The following TMEM233 variants were observed in gnomAD, a reference collection of about 807,000 sequenced individuals.
TMEM233 encodes transmembrane protein 233.
TMEM233 carries 6 observed loss-of-function variants against 11.2 expected under a neutral mutation model. The ratio of observed to expected loss-of-function variants is 0.54; its 90% CI spans 0.29 to 1.06. TMEM233 has a LOEUF of 1.06. TMEM233 is among the 50% of genes least tolerant of loss of function. TMEM233 has a pLI of 0.08. For synonymous variants in TMEM233, 59 were observed against 55.8 expected (o/e 1.06, Z -0.26); for missense variants, 127 against 144.7 (o/e 0.88, Z 0.63).
chr12:119,610,234 T>A (rs1410495026), intron 1 of TMEM233, among the ~76,000 whole-genome samples: 2 of 152,240 alleles, frequency 1.3e-5, no homozygotes, highest in African/African-American at 4.8e-5. Flanking sequence ...AATGGGTGTA[T>A]TTACCCAATG....
chr12:119,600,581 A>G (rs1954143069), intron 1 of TMEM233, among the ~76,000 whole-genome samples: 1 of 152,246 alleles, frequency 6.6e-6, no homozygotes, highest in African/African-American at 2.4e-5. Context: ...TGTGTTATAT[A>G]CATGAAATTG....
chr12:119,613,828 G>A (rs1215694105), intron 1 of TMEM233, among the ~76,000 whole-genome samples: 2 of 152,068 alleles, frequency 1.3e-5, no homozygotes, highest in Admixed American at 6.5e-5. Flanking sequence ...AAGAGATGAG[G>A]AGGCCTGAGA....
At chr12:119,644,137 T>C (rs976980057), downstream of TMEM233, among the ~76,000 whole-genome samples, 2 of 152,222 alleles carry the variant, frequency 1.3e-5, no homozygotes, top group East Asian at 1.9e-4. Context: ...TCAAAATGGA[T>C]ACCAGTCATT....
chr12:119,605,409 CTTTT>C (rs6144897), intron 1 of TMEM233, among the ~76,000 whole-genome samples: 9 of 93,642 alleles, frequency 9.6e-5, no homozygotes, highest in African/African-American at 3.4e-4. Context: ...TATGCCTTTC[CTTTT>C]TTTTTTTTTT....
At chr12:119,625,086 G>A (rs955178164) in intron 1 of TMEM233, among the ~76,000 whole-genome samples, 1 of 152,150 alleles carries the variant, frequency 6.6e-6, no homozygotes, top group African/African-American at 2.4e-5. Context: ...CACACAAGAG[G>A]CCTAAAAGCA....
chr12:119,633,157 C>T (rs1256892735), intron 2 of TMEM233, among the ~76,000 whole-genome samples: 1 of 152,184 alleles, frequency 6.6e-6, no homozygotes, highest in Non-Finnish European at 1.5e-5. Flanking sequence ...GATCCTACTT[C>T]TACCACACAG....
intron 2 of TMEM233, among the ~76,000 whole-genome samples, chr12:119,639,122 G>A (rs971386194): frequency 2.0e-5 from 3 of 152,052 alleles, no homozygotes; most frequent in African/African-American, 7.2e-5. Flanking sequence ...AAGCCAAACA[G>A]CTGGTTCCCA....
chr12:119,639,311 A>T (rs1955032886), intron 2 of TMEM233, among the ~76,000 whole-genome samples: 1 of 152,026 alleles, frequency 6.6e-6, no homozygotes, highest in Non-Finnish European at 1.5e-5. Flanking sequence ...ATAATAGAGC[A>T]TGGCCCTTAA....
chr12:119,653,799 G>A, the TMEM233 span, among the ~76,000 whole-genome samples: 2 of 151,914 alleles, frequency 1.3e-5, no homozygotes, highest in Non-Finnish European at 2.9e-5. Flanking sequence ...AAAAAAATAA[G>A]CAGAGCTTCA....
intron 1 of TMEM233, among the ~76,000 whole-genome samples, chr12:119,618,954 C>T (rs1298531308): frequency 6.8e-6 from 1 of 147,204 alleles, no homozygotes; most frequent in African/African-American, 2.7e-5. Context: ...TTGGCAGTGT[C>T]CTCACCCAAA....
intron 1 of TMEM233, among the ~76,000 whole-genome samples, chr12:119,626,598 A>AG (rs751914805): frequency 8.3e-5 from 12 of 144,028 alleles, no homozygotes; most frequent in South Asian, 6.7e-4. Context: ...AGAGAAGAGA[A>AG]AAAAGAAAAG....
At position 119,604,706 on chromosome 12, in the gene TMEM233, G is replaced by T. The variant is rs138824408; in HGVS notation, c.186+10672G>T. Among the ~76,000 whole-genome samples, 21 of 152,182 alleles carry T rather than the reference G, an allele frequency of 1.4e-4. No homozygotes were observed. In the East Asian group the frequency reaches 3.9e-3, roughly 28 times the overall value. ...ACTGGAGTGCAATGGTGCAATCATG[G>T]CTCACTCCAGCCTCAATCTCTGGCT... On this transcript the variant is annotated intron_variant, in intron 1 of 2. Coordinates refer to ENST00000426426, the MANE Select transcript of TMEM233 (RefSeq NM_001136534.3).
At chr12:119,616,188 C>T (rs1270492147) in intron 1 of TMEM233, among the ~76,000 whole-genome samples, 3 of 152,194 alleles carry the variant, frequency 2.0e-5, no homozygotes, top group African/African-American at 7.2e-5. Context: ...ACTGTTATTC[C>T]GTTTTGCCAA....
chr12:119,614,379 G>A (rs1352975992), intron 1 of TMEM233, among the ~76,000 whole-genome samples: 1 of 151,382 alleles, frequency 6.6e-6, no homozygotes, highest in Non-Finnish European at 1.5e-5. Flanking sequence ...TGCACTCCAG[G>A]CTGGGTGAGA....
Position 119,622,109 on chromosome 12 carries a change from G to T in TMEM233, c.187-7627G>T, listed in dbSNP as rs1954655471. 3.3e-5 allele frequency among the ~76,000 whole-genome samples: 5 copies of T among 152,204 alleles called. No individual in the cohort carries two copies. The South Asian group carries it at 1.0e-3, about 31-fold the overall frequency. Reference sequence around the variant, plus strand: ...GATCAGGACTAGACAGACTGACTCTGTTATTCTTGGTTTACCTCAGGGTGA... The same window carrying T: ...GATCAGGACTAGACAGACTGACTCTTTTATTCTTGGTTTACCTCAGGGTGA... On this transcript the variant is annotated intron_variant, in intron 1 of 2. Transcript: ENST00000426426.
At chr12:119,612,025 G>T (rs991507713) in intron 1 of TMEM233, among the ~76,000 whole-genome samples, 1 of 149,958 alleles carries the variant, frequency 6.7e-6, no homozygotes, top group Non-Finnish European at 1.5e-5. Context: ...ACAGAGTCTC[G>T]CTCTGTCACC....
At chr12:119,605,917 A>T (rs1385107484) in intron 1 of TMEM233, among the ~76,000 whole-genome samples, 1 of 152,154 alleles carries the variant, frequency 6.6e-6, no homozygotes, top group Non-Finnish European at 1.5e-5. Flanking sequence ...GAAAATATTT[A>T]TGGAGAGAAA....
At chr12:119,626,822 T>C in intron 1 of TMEM233, among the ~76,000 whole-genome samples, 1 of 152,178 alleles carries the variant, frequency 6.6e-6, no homozygotes, top group East Asian at 1.9e-4. Context: ...TCACATTCTG[T>C]GGGGAAACAG....
chr12:119,619,746 A>C (rs1954605996), intron 1 of TMEM233, among the ~76,000 whole-genome samples: 3 of 152,060 alleles, frequency 2.0e-5, no homozygotes, highest in Non-Finnish European at 4.4e-5. Flanking sequence ...TTTTTTGAAG[A>C]CAGCTTTGAA....
Sources: gnomAD v4.1 joint callset for allele counts (sites outside exome capture counted in the v4.1 genomes callset) on GRCh38, gnomAD v4.1.1 for gene constraint, MANE v1.5 for transcripts, NCBI Gene and HGNC (gene_info 2026-07-23, HGNC 2026-07-21) for gene names.